The following LGSN variants were observed in gnomAD, a reference collection of about 807,000 sequenced individuals.
The protein encoded by LGSN is lengsin, lens protein with glutamine synthetase domain.
In LGSN, 21 loss-of-function variants were observed where a neutral mutation model predicts 19.5. That is an observed-to-expected ratio of 1.07 (90% CI 0.76 to 1.55). The LOEUF (loss-of-function observed/expected upper bound fraction) is 1.55, where lower values mean the gene tolerates loss of function less well. Among genes scored for constraint, LGSN ranks in the 40% most tolerant of loss-of-function variants. The pLI, the probability that LGSN is intolerant of heterozygous loss-of-function variation, is 0.00. For missense variants in LGSN, 673 were observed against 608.5 expected (o/e 1.11, Z -1.12); for synonymous variants, 257 against 215.6 (o/e 1.19, Z -1.68).
At chr6:63,503,823 G>A in the LGSN span, among the ~76,000 whole-genome samples, 50 of 152,228 alleles carry the variant, frequency 3.3e-4, no homozygotes, top group South Asian at 1.2e-3. Flanking sequence ...GGCTGAGGTG[G>A]GAGAATCACC....
chr6:63,477,661 C>T, the LGSN span, among the ~76,000 whole-genome samples: 217 of 55,902 alleles, frequency 3.9e-3, no homozygotes, highest in South Asian at 5.0e-3. Context: ...TTTTCTTTTT[C>T]TTTTTCTTCT....
the LGSN span, among the ~76,000 whole-genome samples, chr6:63,492,298 C>G: frequency 1.3e-5 from 2 of 152,170 alleles, no homozygotes; most frequent in African/African-American, 4.8e-5. Flanking sequence ...TGCCAGCCAT[C>G]CTGTCCTTTC....
At chr6:63,428,033 T>C in the LGSN span, among the ~76,000 whole-genome samples, 1 of 151,926 alleles carries the variant, frequency 6.6e-6, no homozygotes, top group Non-Finnish European at 1.5e-5. Flanking sequence ...GCTGTTTTTA[T>C]CACAAAAGTA....
chr6:63,396,893 AG>A, the LGSN span: 2 of 153,178 alleles, frequency 1.3e-5, no homozygotes, highest in South Asian at 4.1e-4. Context: ...ACCTGTTCAA[AG>A]TGCTGAGTGA....
At position 63,281,308 on chromosome 6, in the gene LGSN, T is replaced by A. The variant is rs58085920; in HGVS notation, c.331-88A>T. The A allele has an allele frequency of 6.3e-3, 986 of 157,502 alleles. 14 individuals are homozygous for A. Among genetic ancestry groups the A allele is most frequent in the African/African-American group, 0.027 (876 of 32,136 alleles). 9.8% of individuals were successfully genotyped at this position (157,502 alleles called of 1,614,324 possible). On this transcript the variant is annotated intron_variant, in intron 3 of 3. Coordinates refer to ENST00000370657, the MANE Select transcript of LGSN (RefSeq NM_016571.3). ...CGGGAAAGCCTTGCTAATGAAAATA[T>A]ATATATATATATATATATATATAAT...
chr6:63,343,401 A>G, the LGSN span, among the ~76,000 whole-genome samples: 1 of 152,208 alleles, frequency 6.6e-6, no homozygotes, highest in Admixed American at 6.5e-5. Flanking sequence ...TGTAACTTAA[A>G]TAAATGTGTG....
chr6:63,502,096 G>T, the LGSN span, among the ~76,000 whole-genome samples: 1 of 152,290 alleles, frequency 6.6e-6, no homozygotes, highest in South Asian at 2.1e-4. Context: ...CCCTGTGCCT[G>T]GCCCAGTGTA....
chr6:63,529,381 A>G, the LGSN span, among the ~76,000 whole-genome samples: 3 of 150,208 alleles, frequency 2.0e-5, no homozygotes, highest in Admixed American at 1.3e-4. Flanking sequence ...AATTTCCTAC[A>G]TCAATTCAAG....
chr6:63,448,027 C>T, the LGSN span, among the ~76,000 whole-genome samples: 19 of 152,130 alleles, frequency 1.2e-4, no homozygotes, highest in South Asian at 2.1e-4. Flanking sequence ...AAGAATGATT[C>T]TTTCATTAAA....
the LGSN span, among the ~76,000 whole-genome samples, chr6:63,442,932 C>G: frequency 6.6e-6 from 1 of 152,230 alleles, no homozygotes; most frequent in East Asian, 1.9e-4. Context: ...ACGGGTGGAG[C>G]TGCCCACCAG....
At chr6:63,545,357 C>T in the LGSN span, among the ~76,000 whole-genome samples, 1 of 152,162 alleles carries the variant, frequency 6.6e-6, no homozygotes, top group Non-Finnish European at 1.5e-5. Context: ...TGCCTGTAAT[C>T]CCAGCACTTT....
the LGSN span, among the ~76,000 whole-genome samples, chr6:63,362,867 G>C: frequency 6.6e-5 from 10 of 152,178 alleles, no homozygotes; most frequent in African/African-American, 2.4e-4. Flanking sequence ...CCAGCACAGA[G>C]TTTGAGATCT....
the LGSN span, among the ~76,000 whole-genome samples, chr6:63,540,348 CA>C: frequency 6.6e-6 from 1 of 152,108 alleles, no homozygotes; most frequent in Non-Finnish European, 1.5e-5. Flanking sequence ...AATCCAGGCA[CA>C]ATGGGTCACA....
the LGSN span, among the ~76,000 whole-genome samples, chr6:63,432,147 AAGAAAGAAAGAAAG>A: frequency 8.1e-6 from 1 of 123,980 alleles, no homozygotes; most frequent in African/African-American, 3.4e-5. Context: ...GAAAGAAAGA[AAGAAAGAAAGAAAG>A]AAAGAAAGAA....
the LGSN span, among the ~76,000 whole-genome samples, chr6:63,394,409 G>C: frequency 3.3e-5 from 5 of 152,162 alleles, no homozygotes; most frequent in East Asian, 7.7e-4. Context: ...TAATGCATTG[G>C]CATGCTAAAA....
chr6:63,549,519 C>A, the LGSN span: 156 of 674,766 alleles, frequency 2.3e-4, 1 homozygote, highest in South Asian at 2.5e-3. Context: ...GAGGAGAGAG[C>A]CTGATTTAAT....
chr6:63,283,649 T>TAC (rs151104344), intron 3 of LGSN, among the ~76,000 whole-genome samples: 111 of 145,532 alleles, frequency 7.6e-4, no homozygotes, highest in African/African-American at 2.0e-3. Flanking sequence ...TGGAATAAGG[T>TAC]ACACACACAC....
At chr6:63,429,187 C>G in the LGSN span, among the ~76,000 whole-genome samples, 1 of 152,098 alleles carries the variant, frequency 6.6e-6, no homozygotes, top group Non-Finnish European at 1.5e-5. Context: ...AAAAGTGTGA[C>G]AAAATTAGTA....
chr6:63,444,225 A>C, the LGSN span, among the ~76,000 whole-genome samples: 1 of 152,126 alleles, frequency 6.6e-6, no homozygotes, highest in African/African-American at 2.4e-5. Context: ...CTTTTTCAAA[A>C]AAAAAATAGA....
Sources: gnomAD v4.1 joint callset for allele counts (sites outside exome capture counted in the v4.1 genomes callset) on GRCh38, gnomAD v4.1.1 for gene constraint, MANE v1.5 for transcripts, NCBI Gene and HGNC (gene_info 2026-07-23, HGNC 2026-07-21) for gene names.